Variants in MGAM2 observed in about 807,000 individuals in gnomAD.
MGAM2 encodes probable maltase-glucoamylase 2.
Under a neutral mutation model 96.1 loss-of-function variants are expected in MGAM2, and 98 were observed. The observed-to-expected ratio is 1.02, with a 90% CI of 0.87 to 1.21. The LOEUF is 1.21. MGAM2 is among the 50% of genes most tolerant of loss of function. MGAM2 has a pLI of 0.00. For synonymous variants in MGAM2, 749 were observed against 414.8 expected (o/e 1.81, Z -9.79); for missense variants, 2,055 against 1,182.4 (o/e 1.74, Z -10.82).
chr7:142,187,389 TGGGGAGTTGTATCAA>T (rs1314971571), intron 35 of MGAM2, among the ~76,000 whole-genome samples: 5 of 152,222 alleles, frequency 3.3e-5, no homozygotes, highest in African/African-American at 1.2e-4. Context: ...CTACCTCTGT[TGGGGAGTTGTATCAA>T]GGGGAGTTGT....
chr7:142,114,987 A>G (rs4327777), intron 1 of MGAM2, among the ~76,000 whole-genome samples: 59,012 of 151,330 alleles, frequency 0.39, 11,685 homozygotes, highest in South Asian at 0.47. Flanking sequence ...AGGCCGAGGT[A>G]AGTGGATCAT....
rs1424364260 is a variant in MGAM2, at chr7:142,221,303, T to C, written c.6792T>C (p.Asn2264=). 1 of 661,150 alleles carries C rather than the reference T, an allele frequency of 1.5e-6. No homozygotes were observed. The highest frequency in any genetic ancestry group is 2.7e-5 in the East Asian group (1 of 36,936). 41.0% of individuals were successfully genotyped at this position (661,150 alleles called of 1,614,324 possible). A position where few individuals can be genotyped will look rare whatever the true frequency, so the allele number is the denominator to read the frequency against. The change falls in exon 48 of 48, where the codon AAT becomes AAC. Residue 2264 remains asparagine (N), a synonymous_variant. Transcript: ENST00000477922. ...SISITTTSFG[N]SVPFVTTPSP... Reference sequence around the variant, plus strand: ...CCATAACAACTACTTCTTTTGGTAATAGTGTTCCTTTTGTGACTACTCCTT... The same window carrying C: ...CCATAACAACTACTTCTTTTGGTAACAGTGTTCCTTTTGTGACTACTCCTT...
intron 2 of MGAM2, among the ~76,000 whole-genome samples, chr7:142,119,583 A>C (rs1393339796): frequency 6.6e-6 from 1 of 152,250 alleles, no homozygotes; most frequent in African/African-American, 2.4e-5. Flanking sequence ...AACATAGCTC[A>C]CAGAGAAACT....
chr7:142,153,170 T>C (rs1795634698), intron 15 of MGAM2, among the ~76,000 whole-genome samples: 1 of 152,024 alleles, frequency 6.6e-6, no homozygotes, highest in Non-Finnish European at 1.5e-5. Flanking sequence ...TCCAGCTAAC[T>C]TCTGTATTTT....
chr7:142,128,387 A>G (rs1279840166), intron 3 of MGAM2, among the ~76,000 whole-genome samples: 2 of 152,258 alleles, frequency 1.3e-5, no homozygotes, highest in Non-Finnish European at 2.9e-5. Context: ...GAGAAATTCA[A>G]GCCAGCTGCA....
intron 3 of MGAM2, among the ~76,000 whole-genome samples, chr7:142,122,719 T>C (rs1794617673): frequency 6.6e-6 from 1 of 152,246 alleles, no homozygotes; most frequent in African/African-American, 2.4e-5. Flanking sequence ...TGATATTCCA[T>C]TGTATGAGTA....
chr7:142,190,323 G>A (rs1053498543), intron 37 of MGAM2, among the ~76,000 whole-genome samples: 3 of 144,074 alleles, frequency 2.1e-5, no homozygotes, highest in African/African-American at 5.2e-5. Flanking sequence ...CCAGGCTGGA[G>A]TGCAGTGGTG....
At chr7:142,130,848 C>T in intron 3 of MGAM2, 100 bp from the exon 4 acceptor site, 1 of 620,714 alleles carries the variant, frequency 1.6e-6, no homozygotes, top group Non-Finnish European at 2.9e-6. Flanking sequence ...TATAACCTAT[C>T]TTAAATTCTC....
chr7:142,179,385 A>G (rs956879825), intron 32 of MGAM2, among the ~76,000 whole-genome samples: 1 of 152,126 alleles, frequency 6.6e-6, no homozygotes, highest in African/African-American at 2.4e-5. Flanking sequence ...TAGGACTTTC[A>G]GTACTATGTT....
chr7:142,213,316 A>G (rs988269637), intron 46 of MGAM2, among the ~76,000 whole-genome samples: 2 of 152,152 alleles, frequency 1.3e-5, no homozygotes, highest in Non-Finnish European at 2.9e-5. Context: ...AAAAATAACT[A>G]AGATCAGAGC....
At chr7:142,140,716 T>G in intron 10 of MGAM2, 86 bp from the exon 11 acceptor site, 2 of 571,858 alleles carry the variant, frequency 3.5e-6, no homozygotes, top group Non-Finnish European at 6.2e-6. Context: ...TGGTTTCATT[T>G]TCAATGGTCA....
chr7:142,146,731 ATTT>A (rs61025497), intron 14 of MGAM2, among the ~76,000 whole-genome samples: 1 of 145,240 alleles, frequency 6.9e-6, no homozygotes. Flanking sequence ...GTCACATCTT[ATTT>A]TTTTTTTTTT....
At chr7:142,111,998 CTGTG>C (rs57967255) in intron 1 of MGAM2, among the ~76,000 whole-genome samples, 191 bp downstream of exon 1, 19,284 of 133,418 alleles carry the variant, frequency 0.14, 1,314 homozygotes, top group African/African-American at 0.18. Context: ...AGAGGAGAGA[CTGTG>C]TGTGTGTGTG....
intron 45 of MGAM2, among the ~76,000 whole-genome samples, chr7:142,203,815 C>T (rs959202460): frequency 1.3e-5 from 2 of 151,926 alleles, no homozygotes; most frequent in East Asian, 3.9e-4. Context: ...AAACTGAACC[C>T]TTACCTTTCA....
intron 35 of MGAM2, among the ~76,000 whole-genome samples, chr7:142,187,212 A>G (rs901475646): frequency 6.6e-6 from 1 of 152,254 alleles, no homozygotes; most frequent in Non-Finnish European, 1.5e-5. Flanking sequence ...ATAACTTTTT[A>G]GAAATATATT....
At chr7:142,195,120 G>T (rs1796991049) in intron 37 of MGAM2, among the ~76,000 whole-genome samples, 1 of 151,998 alleles carries the variant, frequency 6.6e-6, no homozygotes, top group African/African-American at 2.4e-5. Flanking sequence ...TTGGATCCCA[G>T]ATCTGCCTCC....
At chr7:142,162,871 A>G (rs1192359901) in intron 23 of MGAM2, among the ~76,000 whole-genome samples, 1 of 151,784 alleles carries the variant, frequency 6.6e-6, no homozygotes, top group East Asian at 2.0e-4. Context: ...CATTGATGCT[A>G]TCGAGATACA....
chr7:142,141,216 T>A, intron 12 of MGAM2, 97 bp downstream of exon 12: 1 of 634,448 alleles, frequency 1.6e-6, no homozygotes, highest in Middle Eastern at 2.6e-4. Flanking sequence ...ATATTGTTAC[T>A]GTTTTCATGG....
chr7:142,143,925 A>T, intron 13 of MGAM2, 43 bp downstream of exon 13: 2 of 699,500 alleles, frequency 2.9e-6, no homozygotes, highest in Non-Finnish European at 5.2e-6. Context: ...GGAAACAGAT[A>T]ACGCCAAATT....
Sources: allele counts gnomAD v4.1 joint callset (sites outside exome capture counted in the v4.1 genomes callset), GRCh38; gene constraint gnomAD v4.1.1; transcripts MANE v1.5; gene names NCBI Gene and HGNC (gene_info 2026-07-23, HGNC 2026-07-21).